SDK1: variants seen among roughly 807,000 people sequenced by gnomAD.
The protein encoded by SDK1 is protein sidekick-1.
SDK1 carries 157 observed loss-of-function variants against 245.5 expected under a neutral mutation model. The ratio of observed to expected loss-of-function variants is 0.64; its 90% CI spans 0.56 to 0.73. The LOEUF (loss-of-function observed/expected upper bound fraction) is 0.73, where lower values mean the gene tolerates loss of function less well. SDK1 is among the 30% of genes least tolerant of loss of function. The pLI is 0.00. For synonymous variants in SDK1, 1,647 were observed against 1,278.5 expected (o/e 1.29, Z -6.15); for missense variants, 3,583 against 3,002.3 (o/e 1.19, Z -4.52).
chr7:3,485,104 A>G (rs1277677107), intron 1 of SDK1, among the ~76,000 whole-genome samples: 3 of 152,080 alleles, frequency 2.0e-5, no homozygotes, highest in Non-Finnish European at 4.4e-5. Context: ...AGTTCTGCCA[A>G]TTTACATTCT....
intron 1 of SDK1, among the ~76,000 whole-genome samples, chr7:3,438,892 G>T (rs985228573): frequency 8.0e-6 from 1 of 125,240 alleles, no homozygotes; most frequent in East Asian, 2.2e-4. Context: ...CACTCTTGTT[G>T]CCCAGGCTGG....
At chr7:3,938,474 C>T (rs991521599) in intron 5 of SDK1, among the ~76,000 whole-genome samples, 8 of 151,910 alleles carry the variant, frequency 5.3e-5, no homozygotes, top group African/African-American at 1.9e-4. Flanking sequence ...AACCCTGTCT[C>T]TACTAAAAAT....
intron 1 of SDK1, among the ~76,000 whole-genome samples, chr7:3,491,566 A>G (rs1489265183): frequency 1.3e-5 from 2 of 152,230 alleles, no homozygotes; most frequent in African/African-American, 4.8e-5. Flanking sequence ...AGTCTTCTAT[A>G]GAAATTACCT....
intron 4 of SDK1, among the ~76,000 whole-genome samples, chr7:3,678,615 A>G (rs963358316): frequency 6.6e-6 from 1 of 152,212 alleles, no homozygotes; most frequent in Admixed American, 6.5e-5. Flanking sequence ...AGAAGTCATC[A>G]TGGCCCTGGG....
At chr7:3,538,727 C>G (rs1778968193) in intron 1 of SDK1, among the ~76,000 whole-genome samples, 1 of 152,184 alleles carries the variant, frequency 6.6e-6, no homozygotes. Context: ...TTTATACTCT[C>G]TATGCAAACC....
At chr7:3,487,242 T>C (rs1489757601) in intron 1 of SDK1, among the ~76,000 whole-genome samples, 4 of 152,242 alleles carry the variant, frequency 2.6e-5, no homozygotes, top group Admixed American at 6.5e-5. Context: ...TAATATCGTA[T>C]ATGTCTGTTA....
intron 44 of SDK1, among the ~76,000 whole-genome samples, chr7:4,246,606 A>G (rs867439372): frequency 6.6e-6 from 1 of 152,154 alleles, no homozygotes; most frequent in Non-Finnish European, 1.5e-5. Flanking sequence ...CACCCTGCCC[A>G]GGAAGCTTCT....
At chr7:3,876,386 T>C (rs1247553825) in intron 5 of SDK1, among the ~76,000 whole-genome samples, 1 of 152,168 alleles carries the variant, frequency 6.6e-6, no homozygotes, top group Non-Finnish European at 1.5e-5. Context: ...CCTTCTACCA[T>C]GGGATGTGGA....
intron 14 of SDK1, among the ~76,000 whole-genome samples, chr7:3,992,483 C>A (rs539164195): frequency 6.6e-6 from 1 of 152,076 alleles, no homozygotes; most frequent in Non-Finnish European, 1.5e-5. Flanking sequence ...GGCCAGGTGG[C>A]GGATGAGGGA....
chr7:3,759,201 A>G (rs1353185001), intron 4 of SDK1, among the ~76,000 whole-genome samples: 1 of 152,176 alleles, frequency 6.6e-6, no homozygotes, highest in African/African-American at 2.4e-5. Context: ...AGGGGTTTGG[A>G]TCATAATTCT....
At chr7:3,891,923 T>C (rs182189109) in intron 5 of SDK1, among the ~76,000 whole-genome samples, 27 of 152,362 alleles carry the variant, frequency 1.8e-4, no homozygotes, top group African/African-American at 6.5e-4. Context: ...TGCATTTTTT[T>C]TTCCTTATAG....
intron 4 of SDK1, among the ~76,000 whole-genome samples, chr7:3,676,454 T>C (rs979193373): frequency 1.3e-5 from 2 of 151,942 alleles, no homozygotes; most frequent in Non-Finnish European, 2.9e-5. Flanking sequence ...GCTTCCCAAG[T>C]AGCTGGGACT....
intron 2 of SDK1, among the ~76,000 whole-genome samples, chr7:3,626,344 C>A (rs1328611505): frequency 6.6e-6 from 1 of 152,210 alleles, no homozygotes; most frequent in Non-Finnish European, 1.5e-5. Flanking sequence ...ATGAAAGAGT[C>A]CCTTCTAAGA....
At chr7:4,088,964 C>G (rs1219192521) in intron 22 of SDK1, among the ~76,000 whole-genome samples, 1 of 150,982 alleles carries the variant, frequency 6.6e-6, no homozygotes, top group Admixed American at 6.6e-5. Flanking sequence ...CAATGAGGCC[C>G]CTCAGAGGGA....
chr7:3,655,460 T>C (rs1257502443), intron 4 of SDK1, among the ~76,000 whole-genome samples: 1 of 12,212 alleles, frequency 8.2e-5, no homozygotes. Context: ...TATATATATA[T>C]ATATATATAT....
chr7:3,766,959 G>T (rs1042241627), intron 4 of SDK1, among the ~76,000 whole-genome samples: 1 of 152,158 alleles, frequency 6.6e-6, no homozygotes, highest in Non-Finnish European at 1.5e-5. Flanking sequence ...ATGTTATATA[G>T]AGCATTGGGT....
chr7:3,841,571 T>C (rs1422065861), intron 5 of SDK1, among the ~76,000 whole-genome samples: 5 of 148,068 alleles, frequency 3.4e-5, no homozygotes, highest in East Asian at 1.9e-4. Flanking sequence ...TTTTCTCTTT[T>C]TCTTTTTTTT....
At chr7:3,920,590 C>A (rs1254754828) in intron 5 of SDK1, among the ~76,000 whole-genome samples, 2 of 152,138 alleles carry the variant, frequency 1.3e-5, no homozygotes, top group Non-Finnish European at 2.9e-5. Context: ...AGAAGTTCTG[C>A]TTGGATTCGT....
intron 5 of SDK1, among the ~76,000 whole-genome samples, chr7:3,916,256 A>G (rs758762727): frequency 8.5e-5 from 13 of 152,224 alleles, no homozygotes; most frequent in Non-Finnish European, 1.8e-4. Flanking sequence ...AAAGGGAATC[A>G]GGGAAAGTCA....
Sources: allele counts gnomAD v4.1 joint callset (sites outside exome capture counted in the v4.1 genomes callset), GRCh38; gene constraint gnomAD v4.1.1; transcripts MANE v1.5; gene names NCBI Gene and HGNC (gene_info 2026-07-23, HGNC 2026-07-21).